Variants in SPTLC1 observed in about 807,000 individuals in gnomAD.
The protein encoded by SPTLC1 is serine palmitoyltransferase 1.
Under a neutral mutation model 68.9 loss-of-function variants are expected in SPTLC1, and 55 were observed. The observed-to-expected ratio is 0.80, with a 90% CI of 0.64 to 1.00. SPTLC1 has a LOEUF of 1.00. SPTLC1 is among the 50% of genes least tolerant of loss of function. The probability of loss-of-function intolerance (pLI) is 0.00; values close to 1 mark genes in which losing one functional copy is unlikely to be tolerated. For synonymous variants in SPTLC1, 197 were observed against 201.6 expected, an observed-to-expected ratio of 0.98 and a Z score of 0.19; for missense variants, 449 against 573.1, an observed-to-expected ratio of 0.78 and a Z score of 2.21.
chr9:92,042,325 G>C (rs1192040907), intron 12 of SPTLC1, among the ~76,000 whole-genome samples: 3 of 152,144 alleles, frequency 2.0e-5, no homozygotes, highest in Non-Finnish European at 4.4e-5. Context: ...GAAGGAAAGA[G>C]AGAACACCAT....
Position 92,059,199 on chromosome 9 carries a change from G to T in SPTLC1, c.670C>A (p.Gln224Lys). The T allele has an allele frequency of 6.2e-7, 1 of 1,613,800 alleles. No individual in the cohort carries two copies. Among genetic ancestry groups the T allele is most frequent in the Non-Finnish European group, 8.5e-7 (1 of 1,179,866 alleles). ...MADLERLLKEQEIEDQKNPRK... is the reference protein window; with the variant it reads ...MADLERLLKEKEIEDQKNPRK... ...CATACCTTTTGATCTTCGATCTCTT[G>T]TTCTTTTAGTAGTCGCTCGAGGTCA... The change falls in exon 7 of 15, where the codon CAA (glutamine) becomes AAA (lysine). Residue 224 changes from glutamine (Q) to lysine (K), a missense_variant. Physicochemically the swap from Gln to Lys is moderately conservative, Grantham distance 53. This residue lies in a region of SPTLC1 where 391 missense variants were observed against 472.1 expected (regional missense o/e 0.83). Transcript: ENST00000262554.
At position 92,069,337 on chromosome 9, in the gene SPTLC1, C is replaced by T. The variant is rs375252986; in HGVS notation, c.428-1239G>A. ...TGAGGCATGCTTCTTCCTATTTGTA[C>T]GTTAACACAGTCAATATCATTTGAT... On this transcript the variant is annotated intron_variant, in intron 5 of 14. Transcript: ENST00000262554. Among the ~76,000 whole-genome samples the T allele has an allele frequency of 9.7e-4, 148 of 152,258 alleles. 3 individuals are homozygous for T. In the South Asian group the frequency reaches 0.013, roughly 13 times the overall value.
At chr9:92,079,340 T>G in intron 5 of SPTLC1, 1 of 1,358,458 alleles carries the variant, frequency 7.4e-7, no homozygotes, top group Non-Finnish European at 9.6e-7. Flanking sequence ...CCTTTGAAAG[T>G]GCTGGGATTA....
chr9:92,090,632 T>A (rs561799527), intron 3 of SPTLC1, among the ~76,000 whole-genome samples: 4 of 149,532 alleles, frequency 2.7e-5, no homozygotes, highest in African/African-American at 9.9e-5. Flanking sequence ...CAAAAAAAAA[T>A]TGGACAGGAA....
chr9:92,060,367 T>A (rs1030926322), intron 6 of SPTLC1, among the ~76,000 whole-genome samples: 4 of 152,132 alleles, frequency 2.6e-5, no homozygotes, highest in African/African-American at 9.7e-5. Flanking sequence ...GACAGAGATA[T>A]CAAGATTATC....
intron 3 of SPTLC1, among the ~76,000 whole-genome samples, chr9:92,083,216 T>G (rs908047302): frequency 1.4e-3 from 218 of 152,344 alleles, no homozygotes; most frequent in African/African-American, 5.1e-3. Flanking sequence ...TGGTAGTTTC[T>G]TTTGCTGTGC....
chr9:92,085,321 T>C (rs1459903816), intron 3 of SPTLC1, among the ~76,000 whole-genome samples: 1 of 147,244 alleles, frequency 6.8e-6, no homozygotes, highest in African/African-American at 2.5e-5. Context: ...CTAGTTCTTT[T>C]AATTGTGATG....
intron 7 of SPTLC1, among the ~76,000 whole-genome samples, chr9:92,057,282 CT>C (rs373860414): frequency 7.6e-4 from 113 of 149,330 alleles, no homozygotes; most frequent in African/African-American, 2.9e-3. Context: ...CCTTCATTTG[CT>C]TTTTCATATC....
chr9:92,105,585 A>C, intron 3 of SPTLC1: 1 of 534,552 alleles, frequency 1.9e-6, no homozygotes, highest in South Asian at 2.2e-5. Flanking sequence ...GGAAGTGAGG[A>C]GCGCCTCTGC....
At chr9:92,091,271 A>G (rs528914999) in intron 3 of SPTLC1, among the ~76,000 whole-genome samples, 32 of 152,368 alleles carry the variant, frequency 2.1e-4, no homozygotes, top group African/African-American at 7.7e-4. Flanking sequence ...AGACCACAAC[A>G]AAAAGCAACC....
chr9:92,085,611 T>G (rs1835090684), intron 3 of SPTLC1, among the ~76,000 whole-genome samples: 1 of 150,058 alleles, frequency 6.7e-6, no homozygotes, highest in South Asian at 2.1e-4. Context: ...GAGAGACAGT[T>G]TGTTATAATT....
intron 12 of SPTLC1, among the ~76,000 whole-genome samples, chr9:92,039,801 C>T (rs1296278285): frequency 6.6e-6 from 1 of 152,178 alleles, no homozygotes; most frequent in Non-Finnish European, 1.5e-5. Context: ...TCTGACCTGG[C>T]CTTCCAATCA....
At chr9:92,050,811 ATTTTTTTTT>A (rs370967911) in intron 8 of SPTLC1, 1 of 104,978 alleles carries the variant, frequency 9.5e-6, no homozygotes, top group African/African-American at 4.7e-5. Flanking sequence ...CACAATACTG[ATTTTTTTTT>A]TTTTTTTTTT....
At chr9:92,061,196 A>T in intron 6 of SPTLC1, among the ~76,000 whole-genome samples, 1 of 152,226 alleles carries the variant, frequency 6.6e-6, no homozygotes, top group South Asian at 2.1e-4. Context: ...ATAGTTGCCA[A>T]GGCACATCAT....
chr9:92,080,196 TAACAGAATATAAAGAAG>T (rs1834829411), intron 4 of SPTLC1, 108 bp from the exon 5 acceptor site: 1 of 828,328 alleles, frequency 1.2e-6, no homozygotes, highest in African/African-American at 1.7e-5. Flanking sequence ...CCTCCAACTC[TAACAGAATATAAAGAAG>T]AGACAGGTGT....
intron 7 of SPTLC1, among the ~76,000 whole-genome samples, chr9:92,056,422 T>C (rs910864254): frequency 2.0e-5 from 3 of 152,068 alleles, no homozygotes; most frequent in Admixed American, 2.0e-4. Context: ...AGAGATGGGG[T>C]TTCACCATGT....
At chr9:92,090,627 A>G (rs1835326721) in intron 3 of SPTLC1, among the ~76,000 whole-genome samples, 2 of 151,910 alleles carry the variant, frequency 1.3e-5, no homozygotes, top group African/African-American at 4.8e-5. Context: ...ACAAACAAAA[A>G]AAAATTGGAC....
At chr9:92,101,114 A>C (rs1254770977) in intron 3 of SPTLC1, among the ~76,000 whole-genome samples, 1 of 152,228 alleles carries the variant, frequency 6.6e-6, no homozygotes, top group Non-Finnish European at 1.5e-5. Context: ...AAATAAATGG[A>C]AATTTTCAAA....
At chr9:92,075,832 G>A (rs1253356652) in intron 5 of SPTLC1, among the ~76,000 whole-genome samples, 2 of 152,078 alleles carry the variant, frequency 1.3e-5, no homozygotes, top group East Asian at 1.9e-4. Context: ...ACTTCAACCC[G>A]GCCTCTCACT....
Sources: gnomAD v4.1 joint callset for allele counts (sites outside exome capture counted in the v4.1 genomes callset) on GRCh38, gnomAD v4.1.1 for gene constraint, gnomAD v4.1.1 regional missense constraint, MANE v1.5 for transcripts, NCBI Gene and HGNC (gene_info 2026-07-23, HGNC 2026-07-21) for gene names.